Variants in DRP2 observed in about 807,000 individuals in gnomAD.
DRP2 encodes dystrophin-related protein 2.
Under a neutral mutation model 78.2 loss-of-function variants are expected in DRP2, and 29 were observed. That is an observed-to-expected ratio of 0.37 (90% CI 0.28 to 0.51). DRP2 has a LOEUF of 0.51. DRP2 is among the 20% of genes least tolerant of loss of function. The probability of loss-of-function intolerance (pLI) is 0.94; values close to 1 mark genes in which losing one functional copy is unlikely to be tolerated. For synonymous variants in DRP2, 290 were observed against 281.9 expected (o/e 1.03, Z -0.29); for missense variants, 686 against 770.6 (o/e 0.89, Z 1.30).
chrX:101,239,011 C>G lies in DRP2; in HGVS notation c.469C>G (p.Pro157Ala). Residue 157 changes from proline to alanine, a missense_variant, in exon 6 of 24, where the codon CCC becomes GCC. Pro to Ala is a conservative substitution (Grantham distance 27). Around this residue, in one of 2 missense-constraint regions of DRP2, gnomAD observed 263 missense variants for 239.1 expected, o/e 1.10. Coordinates refer to ENST00000395209, the MANE Select transcript of DRP2 (RefSeq NM_001939.3). ...TATGGAAGAAGTCAAGTCTCGGGGC[C>G]CCTACATCTATTCTGTGCTGGAGTC... ...AFMEEVKSRG[P>A]YIYSVLESAQ... The G allele has an allele frequency of 8.3e-7, 1 of 1,210,939 alleles. No individual in the cohort carries two copies. Among genetic ancestry groups the G allele is most frequent in the Non-Finnish European group, 1.1e-6 (1 of 895,128 alleles).
chrX:101,242,703 C>T (rs986729187), intron 8 of DRP2, among the ~76,000 whole-genome samples: 1 of 110,429 alleles, frequency 9.1e-6, no homozygotes, highest in African/African-American at 3.3e-5. Flanking sequence ...GGAAGAGTGA[C>T]TGTGGCCTGG....
intron 1 of DRP2, among the ~76,000 whole-genome samples, chrX:101,220,694 A>G (rs1921864051): frequency 9.0e-6 from 1 of 111,057 alleles, no homozygotes; most frequent in Non-Finnish European, 1.9e-5. Context: ...CAGACAGGAC[A>G]CAGGAGTTCT....
chrX:101,253,793 T>G (rs1923237392), intron 17 of DRP2, among the ~76,000 whole-genome samples: 2 of 110,596 alleles, frequency 1.8e-5, no homozygotes, highest in African/African-American at 6.6e-5. Flanking sequence ...ACCATGCCCT[T>G]TACTTTTCAT....
At position 101,254,861 on chromosome X, in the gene DRP2, C is replaced by T. The variant is rs750797084; in HGVS notation, c.2117C>T (p.Pro706Leu). 16 of 1,210,101 alleles carry T rather than the reference C, an allele frequency of 1.3e-5. No homozygotes were observed. In the South Asian group the frequency reaches 1.6e-4, roughly 12 times the overall value. ...GAGTCTTTGCTGCTTTCTTCTAGGC[C>T]GGCTTCTTCCCCGATGTGGCCACAC... Reference protein sequence around the residue: ...SVLEADYSETPASSPMWPHAD... With the variant: ...SVLEADYSETLASSPMWPHAD... Residue 706 changes from proline to leucine, a missense_variant and splice_region_variant, in exon 19 of 24, where the codon CCG becomes CTG. This residue lies in a region of DRP2 where 423 missense variants were observed against 531.5 expected (regional missense o/e 0.80). Coordinates refer to ENST00000395209, the MANE Select transcript of DRP2 (RefSeq NM_001939.3).
intron 11 of DRP2, among the ~76,000 whole-genome samples, chrX:101,246,243 G>A (rs912645700): frequency 1.8e-5 from 2 of 111,912 alleles, no homozygotes; most frequent in Non-Finnish European, 3.8e-5. Flanking sequence ...TTTTATCACC[G>A]GATTAGTGCA....
chrX:101,237,583 A>G, intron 4 of DRP2, 36 bp from the exon 5 acceptor site: 3 of 1,030,366 alleles, frequency 2.9e-6, no homozygotes, highest in Non-Finnish European at 3.8e-6. Flanking sequence ...CTTAAAAAGA[A>G]GACTGAACAT....
chrX:101,245,877 C>T lies in DRP2; in HGVS notation c.1177+428C>T, dbSNP rs1922916747. ...TATAGTGAACAATACTGGATTGTAT[C>T]GTTAAAAATTTGCTAAAAAGGTAGA... On this transcript the variant is annotated intron_variant, in intron 11 of 23. Transcript: ENST00000395209. Among the ~76,000 whole-genome samples, 3 of 111,219 alleles carry T rather than the reference C, an allele frequency of 2.7e-5. No individual in the cohort carries two copies. In the Admixed American group the frequency reaches 2.9e-4, roughly 11 times the overall value.
intron 14 of DRP2, 141 bp from the exon 15 acceptor site, chrX:101,250,282 T>A: frequency 3.7e-6 from 3 of 815,086 alleles, no homozygotes; most frequent in Non-Finnish European, 5.3e-6. Context: ...AGGTCAGGGA[T>A]AGACCTCTAT....
At chrX:101,236,091 CCTT>C (rs1403765928) in intron 4 of DRP2, 68 bp downstream of exon 4, 37 of 1,116,345 alleles carry the variant, frequency 3.3e-5, no homozygotes, top group Non-Finnish European at 3.2e-5. Context: ...TGCACCCTGT[CCTT>C]CTCCTCTCAG....
chrX:101,258,200 G>C (rs1923419314), intron 21 of DRP2, 109 bp from the exon 22 acceptor site: 2 of 650,189 alleles, frequency 3.1e-6, no homozygotes, highest in Non-Finnish European at 4.7e-6. Context: ...GGTGAGGTAG[G>C]GTGGAAGAGC....
chrX:101,250,801 C>G, intron 15 of DRP2, 116 bp from the exon 16 acceptor site: 1 of 1,020,125 alleles, frequency 9.8e-7, no homozygotes, highest in Non-Finnish European at 1.3e-6. Flanking sequence ...GTGAACATCT[C>G]TGGAGAACAG....
chrX:101,249,021 A>G (rs1367054468), intron 14 of DRP2, among the ~76,000 whole-genome samples: 2 of 112,053 alleles, frequency 1.8e-5, no homozygotes, highest in Non-Finnish European at 3.8e-5. Context: ...AATATCTGGG[A>G]GGCGGACACT....
intron 5 of DRP2, 124 bp downstream of exon 5, chrX:101,237,899 T>A: frequency 1.4e-6 from 1 of 706,954 alleles, no homozygotes; most frequent in Non-Finnish European, 1.9e-6. Context: ...CTGTATGCAG[T>A]CCTATTAGTC....
chrX:101,255,276 C>T, intron 20 of DRP2, 27 bp downstream of exon 20: 2 of 1,187,912 alleles, frequency 1.7e-6, no homozygotes, highest in Non-Finnish European at 2.3e-6. Flanking sequence ...GCTTATTTGC[C>T]AGAAATAGTT....
At chrX:101,233,230 T>C (rs904743242) in intron 3 of DRP2, among the ~76,000 whole-genome samples, 1 of 111,864 alleles carries the variant, frequency 8.9e-6, no homozygotes, top group Non-Finnish European at 1.9e-5. Context: ...AAAGCTAACA[T>C]GGGTAGAGCC....
In DRP2 at chrX:101,231,753, C is replaced by T; in HGVS notation, c.106C>T (p.Pro36Ser). ...HHSSSLRSTCPHPQVRAAVTS... is the reference protein window; with the variant it reads ...HHSSSLRSTCSHPQVRAAVTS... Reference sequence around the variant, plus strand: ...TAGCAGCAGCCTCCGAAGCACCTGCCCCCACCCTCAGGTAAGAGTCTGATA... The same window carrying T: ...TAGCAGCAGCCTCCGAAGCACCTGCTCCCACCCTCAGGTAAGAGTCTGATA... Residue 36 changes from proline (P) to serine (S), a missense_variant, in exon 3 of 24, where the codon CCC becomes TCC. By Grantham distance (74) the Pro-to-Ser change is moderately conservative. Transcript: ENST00000395209. 2 of 1,206,036 alleles carry T rather than the reference C, an allele frequency of 1.7e-6. No homozygotes were observed. The highest frequency in any genetic ancestry group is 1.8e-5 in the South Asian group (1 of 56,383).
At chrX:101,238,809 TTCTG>T (rs1236693435) in intron 5 of DRP2, among the ~76,000 whole-genome samples, 168 bp from the exon 6 acceptor site, 3 of 111,423 alleles carry the variant, frequency 2.7e-5, no homozygotes, top group Non-Finnish European at 3.8e-5. Context: ...AGAGTTATTT[TTCTG>T]TCTATCAGGA....
intron 2 of DRP2, among the ~76,000 whole-genome samples, chrX:101,231,336 ACCTCCACCC>A (rs1183073027): frequency 9.0e-6 from 1 of 111,528 alleles, no homozygotes; most frequent in Non-Finnish European, 1.9e-5. Flanking sequence ...CATCTTGCCC[ACCTCCACCC>A]TTAGGCTTTG....
At chrX:101,233,845 G>A (rs1335181227) in intron 3 of DRP2, among the ~76,000 whole-genome samples, 8 of 111,825 alleles carry the variant, frequency 7.2e-5, no homozygotes, top group Non-Finnish European at 1.3e-4. Flanking sequence ...AAAATTCAAC[G>A]GGATGCCCAC....
Sources: gnomAD v4.1 joint callset for allele counts (sites outside exome capture counted in the v4.1 genomes callset) on GRCh38, gnomAD v4.1.1 for gene constraint, gnomAD v4.1.1 regional missense constraint, MANE v1.5 for transcripts, NCBI Gene and HGNC (gene_info 2026-07-23, HGNC 2026-07-21) for gene names.